Variants in PEX5L observed in about 807,000 individuals in gnomAD.
PEX5L encodes the protein peroxisomal biogenesis factor 5 like.
In PEX5L, 30 loss-of-function variants were observed where a neutral mutation model predicts 84.0. That is an observed-to-expected ratio of 0.36 (90% confidence interval 0.27 to 0.48). PEX5L has a LOEUF of 0.48. Ranked by LOEUF, PEX5L falls within the 20% of genes least tolerant of loss-of-function variation. The probability of loss-of-function intolerance (pLI) is 0.99; values close to 1 mark genes in which losing one functional copy is unlikely to be tolerated. For missense variants in PEX5L, 533 were observed against 754.6 expected, an observed-to-expected ratio of 0.71 and a Z score of 3.44; for synonymous variants, 270 against 283.1, an observed-to-expected ratio of 0.95 and a Z score of 0.46.
At chr3:179,833,993 C>T (rs73058642) in intron 8 of PEX5L, among the ~76,000 whole-genome samples, 1,808 of 152,162 alleles carry the variant, frequency 0.012, 39 homozygotes, top group African/African-American at 0.041. Context: ...TACCGACATG[C>T]GTGGCTAAAT....
intron 3 of PEX5L, among the ~76,000 whole-genome samples, chr3:179,889,840 G>A (rs559464021): frequency 6.6e-6 from 1 of 152,278 alleles, no homozygotes; most frequent in Non-Finnish European, 1.5e-5. Flanking sequence ...TTTTGTAAAT[G>A]CTATGGTCTA....
intron 2 of PEX5L, among the ~76,000 whole-genome samples, chr3:179,913,809 G>T (rs190677901): frequency 2.6e-5 from 4 of 152,106 alleles, no homozygotes; most frequent in African/African-American, 9.7e-5. Flanking sequence ...AGAATTCATT[G>T]TCTAGCTAGG....
At chr3:179,951,508 C>G (rs1312321197) in intron 2 of PEX5L, among the ~76,000 whole-genome samples, 1 of 152,092 alleles carries the variant, frequency 6.6e-6, no homozygotes, top group Admixed American at 6.6e-5. Context: ...TTTTACCTTT[C>G]TAGCCCCACC....
rs71628101 is a variant in PEX5L at position 179,868,042 on chromosome 3, C to CTT, written c.726+6283_726+6284dup. Among the ~76,000 whole-genome samples, 231 of 116,360 alleles carry CTT rather than the reference C, an allele frequency of 2.0e-3. 2 individuals are homozygous for CTT. Among genetic ancestry groups the CTT allele is most frequent in the African/African-American group, 4.2e-3 (133 of 31,374 alleles). 76.3% of individuals were successfully genotyped at this position (116,360 alleles called of 152,430 possible). ...TTATGTATTTATTCTTCTTCTTCTTCTTTTTTTTTTTTTTTTTTTTTAGAG... is the reference window on the plus strand; with the variant it reads ...TTATGTATTTATTCTTCTTCTTCTTCTTTTTTTTTTTTTTTTTTTTTTTAGAG... On this transcript the variant is annotated intron_variant, in intron 7 of 14. Coordinates refer to ENST00000467460, the MANE Select transcript of PEX5L (RefSeq NM_016559.3).
At chr3:179,928,171 G>A (rs143096839) in intron 2 of PEX5L, among the ~76,000 whole-genome samples, 1 of 152,272 alleles carries the variant, frequency 6.6e-6, no homozygotes, top group East Asian at 1.9e-4. Context: ...AGTAATAGTT[G>A]AGTAAAACCA....
chr3:179,953,839 T>C (rs188190280), intron 2 of PEX5L, among the ~76,000 whole-genome samples: 2 of 152,152 alleles, frequency 1.3e-5, no homozygotes, highest in East Asian at 1.9e-4. Flanking sequence ...TAAATCATAA[T>C]GGAAGGAGTG....
chr3:179,898,351 G>A (rs1200502198), intron 2 of PEX5L, 105 bp from the exon 3 acceptor site: 1 of 709,046 alleles, frequency 1.4e-6, no homozygotes. Context: ...TAAATGAAGA[G>A]GTAGGCTGCT....
intron 2 of PEX5L, among the ~76,000 whole-genome samples, chr3:179,947,821 C>T (rs13091515): frequency 0.074 from 11,185 of 151,220 alleles, 564 homozygotes; most frequent in Non-Finnish European, 0.11. Context: ...ATTCTCCTGC[C>T]TCAGCCTCCC....
At position 179,797,603 on chromosome 3, in the gene PEX5L, A is replaced by ATATATATATATATATATATAT. The variant is rs1431315600; in HGVS notation, c.*4224_*4225insATATATATATATATATATATA. 9.1e-6 allele frequency: 1 copy of ATATATATATATATATATATAT among 109,912 alleles called. No individual in the cohort carries two copies. Among genetic ancestry groups the ATATATATATATATATATATAT allele is most frequent in the African/African-American group, 3.5e-5 (1 of 28,422 alleles). 6.8% of individuals were successfully genotyped at this position (109,912 alleles called of 1,614,324 possible). A position where few individuals can be genotyped will look rare whatever the true frequency, so the allele number is the denominator to read the frequency against. ...TGAACACTCTTTAAAAAAAAAAAAA[A>ATATATATATATATATATATAT]AAATATATATATATATATATATATA... On this transcript the variant is annotated 3_prime_UTR_variant, in exon 15 of 15. Coordinates refer to ENST00000467460, the MANE Select transcript of PEX5L (RefSeq NM_016559.3).
intron 7 of PEX5L, among the ~76,000 whole-genome samples, chr3:179,864,516 C>A (rs1170012010): frequency 6.6e-6 from 1 of 151,930 alleles, no homozygotes; most frequent in Admixed American, 6.6e-5. Flanking sequence ...TGGTGGTTAC[C>A]AGGAGCTGGA....
intron 3 of PEX5L, among the ~76,000 whole-genome samples, chr3:179,895,932 G>T (rs1286917507): frequency 6.6e-6 from 1 of 152,146 alleles, no homozygotes; most frequent in African/African-American, 2.4e-5. Flanking sequence ...TGATGAAGAT[G>T]AATCAATGTA....
chr3:179,941,771 C>T (rs1776151683), intron 2 of PEX5L, among the ~76,000 whole-genome samples: 1 of 151,920 alleles, frequency 6.6e-6, no homozygotes, highest in Admixed American at 6.6e-5. Flanking sequence ...GCTTGTAATC[C>T]CAGGATTTTG....
chr3:179,854,451 G>A (rs1743139486), intron 8 of PEX5L, among the ~76,000 whole-genome samples: 2 of 152,092 alleles, frequency 1.3e-5, no homozygotes, highest in South Asian at 4.2e-4. Flanking sequence ...CAATGTTACT[G>A]GCAAGATTGG....
rs533899465 is a variant in PEX5L, at chr3:179,983,797, C to T, written c.22-12132G>A. 4.6e-5 allele frequency among the ~76,000 whole-genome samples: 7 copies of T among 152,096 alleles called. No homozygotes were observed. In the South Asian group the frequency reaches 1.5e-3, roughly 32 times the overall value. On this transcript the variant is annotated intron_variant, in intron 1 of 14. Transcript: ENST00000467460. ...AAATTAGAGATTTAGAAACTTGAAT[C>T]AGCCACTGTGAGCTCAATAGCTTCT...
chr3:179,850,543 A>G (rs1196658741), intron 8 of PEX5L, among the ~76,000 whole-genome samples: 1 of 152,214 alleles, frequency 6.6e-6, no homozygotes, highest in Non-Finnish European at 1.5e-5. Context: ...ATTTGTTTAA[A>G]ACAGAAGAAA....
intron 2 of PEX5L, among the ~76,000 whole-genome samples, chr3:179,925,511 T>G (rs1209570952): frequency 6.6e-6 from 1 of 152,244 alleles, no homozygotes; most frequent in African/African-American, 2.4e-5. Flanking sequence ...CTTAAAGATT[T>G]TCCTACATCA....
At chr3:179,845,770 T>C (rs924393743) in intron 8 of PEX5L, among the ~76,000 whole-genome samples, 9 of 152,150 alleles carry the variant, frequency 5.9e-5, no homozygotes, top group Non-Finnish European at 1.3e-4. Context: ...CCATGATGGG[T>C]TGGGCCCTAT....
intron 2 of PEX5L, among the ~76,000 whole-genome samples, chr3:179,923,618 A>C (rs575868491): frequency 5.9e-5 from 9 of 152,348 alleles, no homozygotes; most frequent in African/African-American, 2.2e-4. Context: ...AATCACGGGC[A>C]TAAGGCTTAA....
At chr3:179,911,097 G>A (rs1476228166) in intron 2 of PEX5L, among the ~76,000 whole-genome samples, 3 of 152,160 alleles carry the variant, frequency 2.0e-5, no homozygotes, top group Non-Finnish European at 4.4e-5. Context: ...TTTGAAGCCA[G>A]TGTCTGGGCT....
Sources: allele counts gnomAD v4.1 joint callset (sites outside exome capture counted in the v4.1 genomes callset), GRCh38; gene constraint gnomAD v4.1.1; transcripts MANE v1.5; gene names NCBI Gene and HGNC (gene_info 2026-07-23, HGNC 2026-07-21).